Variants in COA1 observed in about 807,000 individuals in gnomAD.
The protein encoded by COA1 is cytochrome c oxidase assembly factor 1.
COA1 carries 13 observed loss-of-function variants against 16.0 expected under a neutral mutation model. That is an observed-to-expected ratio of 0.81 (90% CI 0.53 to 1.29). The LOEUF (loss-of-function observed/expected upper bound fraction) is 1.29. Ranked by LOEUF, COA1 falls within the 50% of genes most tolerant of loss-of-function variation. The pLI is 0.00. For missense variants in COA1, 179 were observed against 177.0 expected, an observed-to-expected ratio of 1.01 and a Z score of -0.06; for synonymous variants, 65 against 65.7, an observed-to-expected ratio of 0.99 and a Z score of 0.05.
intron 6 of COA1, among the ~76,000 whole-genome samples, chr7:43,612,556 A>G (rs1010314007): frequency 6.6e-6 from 1 of 152,212 alleles, no homozygotes; most frequent in Non-Finnish European, 1.5e-5. Flanking sequence ...GATAATCCCA[A>G]TATGTATGGT....
At chr7:43,642,068 C>G (rs1166769477) in intron 4 of COA1, 2 of 152,178 alleles carry the variant, frequency 1.3e-5, no homozygotes. Context: ...CACATTTGTG[C>G]TTTCCAAACA....
At chr7:43,676,376 A>C (rs1031646506) in intron 1 of COA1, among the ~76,000 whole-genome samples, 1 of 152,204 alleles carries the variant, frequency 6.6e-6, no homozygotes, top group Non-Finnish European at 1.5e-5. Flanking sequence ...TAATGGGTAA[A>C]GAAAATGTGG....
At position 43,716,706 on chromosome 7, in the gene COA1, C is replaced by CA. The variant is rs2095402852; in HGVS notation, c.-39+12722dup. ...GGAGCCCAATGTTAATCACCAAGAC[C>CA]ATGGGGAAAATGTATCCAGGCCATG... is the stretch of plus-strand genomic sequence containing the variant. On this transcript the variant is annotated intron_variant, in intron 1 of 5. Coordinates refer to ENST00000223336, the MANE Select transcript of COA1 (RefSeq NM_018224.4). Among the ~76,000 whole-genome samples, 4 of 152,124 alleles carry CA rather than the reference C, an allele frequency of 2.6e-5. 1 individual carries two copies. The South Asian group carries it at 8.3e-4, about 32-fold the overall frequency.
rs1248700842 is a variant in COA1, at chr7:43,691,256, G to GAAAGAAAGAAAGA, written c.-39+38172_-39+38173insTCTTTCTTTCTTT. On this transcript the variant is annotated intron_variant, in intron 1 of 5. Transcript: ENST00000223336. The stretch of plus-strand genomic sequence containing the variant: ...AAAGCAAGACCTTGACTCAAAAAAA[G>GAAAGAAAGAAAGA]AAAGAAAGAAAAGAAAGAAAGAAAG... Among the ~76,000 whole-genome samples, 20 of 37,306 alleles carry GAAAGAAAGAAAGA rather than the reference G, an allele frequency of 5.4e-4. 1 individual carries two copies. Among genetic ancestry groups the GAAAGAAAGAAAGA allele is most frequent in the African/African-American group, 3.6e-3 (19 of 5,252 alleles). 24.5% of individuals were successfully genotyped at this position (37,306 alleles called of 152,430 possible). A position where few individuals can be genotyped will look rare whatever the true frequency, so the allele number is the denominator to read the frequency against.
chr7:43,706,699 T>C (rs2094993159), intron 1 of COA1, among the ~76,000 whole-genome samples: 1 of 151,184 alleles, frequency 6.6e-6, no homozygotes, highest in Non-Finnish European at 1.5e-5. Context: ...TGAAAGACTG[T>C]CTCCACAAAA....
intron 6 of COA1, among the ~76,000 whole-genome samples, chr7:43,612,579 T>C (rs184580938): frequency 2.0e-5 from 3 of 152,384 alleles, no homozygotes; most frequent in African/African-American, 7.2e-5. Context: ...TTTTGAATTA[T>C]TAGGCTATTT....
intron 1 of COA1, among the ~76,000 whole-genome samples, chr7:43,655,413 G>A (rs978444998): frequency 1.6e-4 from 25 of 152,322 alleles, no homozygotes; most frequent in African/African-American, 6.0e-4. Context: ...CACTTTGGGA[G>A]GCCGAGGCAG....
At chr7:43,628,249 C>T (rs1437988397) in intron 6 of COA1, among the ~76,000 whole-genome samples, 1 of 152,214 alleles carries the variant, frequency 6.6e-6, no homozygotes, top group East Asian at 1.9e-4. Flanking sequence ...ACCTCAGCCT[C>T]CCAAAGTGTT....
intron 1 of COA1, among the ~76,000 whole-genome samples, chr7:43,694,996 C>T (rs2094484907): frequency 1.3e-5 from 2 of 152,220 alleles, no homozygotes; most frequent in South Asian, 4.1e-4. Flanking sequence ...TTTTCTCTCA[C>T]ACTTCCCAGC....
intron 6 of COA1, among the ~76,000 whole-genome samples, chr7:43,628,611 T>C (rs115390078): frequency 1.7e-3 from 263 of 152,324 alleles, no homozygotes; most frequent in African/African-American, 6.1e-3. Context: ...TTGCCGACAA[T>C]TGGTATTGTC....
intron 6 of COA1, among the ~76,000 whole-genome samples, chr7:43,617,753 C>T (rs896484277): frequency 2.6e-5 from 4 of 152,060 alleles, no homozygotes; most frequent in African/African-American, 9.7e-5. Context: ...GCCTTGGGTG[C>T]AGATCATGCA....
intron 1 of COA1, among the ~76,000 whole-genome samples, chr7:43,704,937 T>C (rs894366971): frequency 6.6e-6 from 1 of 152,216 alleles, no homozygotes; most frequent in Non-Finnish European, 1.5e-5. Context: ...TGGGCTGATA[T>C]CCTGTAATCT....
At chr7:43,705,864 G>A (rs2094951304) in intron 1 of COA1, among the ~76,000 whole-genome samples, 2 of 152,288 alleles carry the variant, frequency 1.3e-5, no homozygotes, top group Admixed American at 1.3e-4. Context: ...CCCATCCCTA[G>A]GAGCGACTCA....
intron 1 of COA1, among the ~76,000 whole-genome samples, chr7:43,728,839 T>C (rs565092435): frequency 6.6e-6 from 1 of 152,080 alleles, no homozygotes; most frequent in Non-Finnish European, 1.5e-5. Context: ...ATTATCAGAA[T>C]CTCCATAGAT....
intron 1 of COA1, among the ~76,000 whole-genome samples, chr7:43,677,098 T>A (rs1032679659): frequency 1.4e-4 from 21 of 152,236 alleles, no homozygotes; most frequent in African/African-American, 5.1e-4. Context: ...GCCTTAAGAA[T>A]TCTTTGCTTT....
At chr7:43,696,755 A>C (rs1381340666) in intron 1 of COA1, among the ~76,000 whole-genome samples, 1 of 152,168 alleles carries the variant, frequency 6.6e-6, no homozygotes, top group African/African-American at 2.4e-5. Context: ...AGCAGGAAGG[A>C]AGACAGAAAA....
At chr7:43,627,178 A>G (rs2084649719) in intron 6 of COA1, among the ~76,000 whole-genome samples, 1 of 152,234 alleles carries the variant, frequency 6.6e-6, no homozygotes, top group Admixed American at 6.5e-5. Flanking sequence ...GAAATGTATA[A>G]AATGTATAAG....
At chr7:43,685,790 A>C (rs2093995260) in intron 1 of COA1, among the ~76,000 whole-genome samples, 1 of 152,222 alleles carries the variant, frequency 6.6e-6, no homozygotes, top group African/African-American at 2.4e-5. Context: ...GATGTTTTTT[A>C]AGTGGTAGGG....
chr7:43,669,967 C>A (rs1340442781), intron 1 of COA1, among the ~76,000 whole-genome samples: 3 of 151,978 alleles, frequency 2.0e-5, no homozygotes, highest in Non-Finnish European at 4.4e-5. Flanking sequence ...GGGGCCCTGG[C>A]TGAGGTTAAG....
Sources: allele counts gnomAD v4.1 joint callset (sites outside exome capture counted in the v4.1 genomes callset), GRCh38; gene constraint gnomAD v4.1.1; transcripts MANE v1.5; gene names NCBI Gene and HGNC (gene_info 2026-07-23, HGNC 2026-07-21).